KANSL3: variants seen among roughly 807,000 people sequenced by gnomAD.
KANSL3 encodes the protein NSL complex protein NSL3.
In KANSL3, 16 loss-of-function variants were observed where a neutral mutation model predicts 89.2. The ratio of observed to expected loss-of-function variants is 0.18; its 90% CI spans 0.12 to 0.27. KANSL3 has a LOEUF of 0.27. KANSL3 is among the 10% of genes least tolerant of loss of function. The pLI is 1.00. For synonymous variants in KANSL3, 385 were observed against 419.7 expected, an observed-to-expected ratio of 0.92 and a Z score of 1.01; for missense variants, 879 against 1,110.6, an observed-to-expected ratio of 0.79 and a Z score of 2.96.
At chr2:96,633,565 T>A (rs1429682569) in intron 2 of KANSL3, among the ~76,000 whole-genome samples, 3 of 142,706 alleles carry the variant, frequency 2.1e-5, no homozygotes, top group Non-Finnish European at 4.5e-5. Context: ...CGAGACTCTG[T>A]CTCAAAAAAA....
Position 96,595,268 on chromosome 2 carries a change from C to T in KANSL3, c.*343G>A, listed in dbSNP as rs1224201320. Reference sequence around the variant, plus strand: ...AGCACAGACTTCCAAAAGGAAACACCTTCATTAAATGCAGCAGGCAGTCCT... The same window carrying T: ...AGCACAGACTTCCAAAAGGAAACACTTTCATTAAATGCAGCAGGCAGTCCT... On this transcript the variant is annotated 3_prime_UTR_variant, in exon 21 of 21. Transcript: ENST00000431828. The T allele has an allele frequency of 4.5e-6, 1 of 222,872 alleles. No homozygotes were observed. The highest frequency in any genetic ancestry group is 8.9e-6 in the Non-Finnish European group (1 of 112,378). The allele number at this position is 222,872 out of a possible 1,614,324, so 13.8% of individuals were successfully genotyped here.
chr2:96,614,329 A>G (rs1390998557), intron 5 of KANSL3, among the ~76,000 whole-genome samples: 2 of 152,102 alleles, frequency 1.3e-5, no homozygotes, highest in Non-Finnish European at 2.9e-5. Context: ...CCTGACCTCA[A>G]ATGATCCACC....
chr2:96,608,654 C>A lies in KANSL3; in HGVS notation c.1595G>T (p.Ser532Ile). The A allele has an allele frequency of 6.2e-7, 1 of 1,614,052 alleles. No individual in the cohort carries two copies. The highest frequency in any genetic ancestry group is 1.3e-5 in the African/African-American group (1 of 75,058). Residue 532 changes from serine (S) to isoleucine (I), a missense_variant, in exon 14 of 21, where the codon AGT (serine) becomes ATT (isoleucine). Ser to Ile is a moderately radical substitution (Grantham distance 142). Around this residue, in one of 6 missense-constraint regions of KANSL3, gnomAD observed 317 missense variants for 311.2 expected, o/e 1.02. Coordinates refer to ENST00000431828, the MANE Select transcript of KANSL3 (RefSeq NM_001115016.3). ...ACTGGAGGTGGGGCTGCTGGACACA[C>A]TGGAGAGATCCTGAGTAAGGTGAGA... Reference protein sequence around the residue: ...ASPSGSEDLSSVSSSPTSSPK... With the variant: ...ASPSGSEDLSIVSSSPTSSPK...
rs1195854167 is a variant in KANSL3, at chr2:96,636,963, C to T, written c.173G>A (p.Arg58His). 1 of 1,548,192 alleles carries T rather than the reference C, an allele frequency of 6.5e-7. No individual in the cohort carries two copies. The highest frequency in any genetic ancestry group is 8.7e-7 in the Non-Finnish European group (1 of 1,145,182). Residue 58 changes from arginine (R) to histidine (H), a missense_variant, in exon 2 of 21, where the codon CGC (arginine) becomes CAC (histidine). Physicochemically the swap from Arg to His is conservative, Grantham distance 29 (BLOSUM62 0). This residue lies in a region of KANSL3 where 210 missense variants were observed against 311.9 expected (regional missense o/e 0.67). Coordinates refer to ENST00000431828, the MANE Select transcript of KANSL3 (RefSeq NM_001115016.3). ...CCGCCGGGGAGTGACAAAGAGCATGCGGGTGGGGCGGGCACTACTGGCATC... is the reference window on the plus strand; with the variant it reads ...CCGCCGGGGAGTGACAAAGAGCATGTGGGTGGGGCGGGCACTACTGGCATC... ...HPDASSARPT[R>H]MLFVTPRRQH...
intron 4 of KANSL3, 35 bp downstream of exon 4, chr2:96,619,637 A>T: frequency 1.3e-6 from 2 of 1,593,578 alleles, no homozygotes; most frequent in Non-Finnish European, 8.5e-7. Flanking sequence ...CTGAACTACG[A>T]AGAGCCCACT....
chr2:96,589,953 A>G (rs1352923598), downstream of KANSL3, among the ~76,000 whole-genome samples: 1 of 151,730 alleles, frequency 6.6e-6, no homozygotes, highest in Non-Finnish European at 1.5e-5. Context: ...GTTCAAGACC[A>G]GCCTGGCCGA....
intron 1 of KANSL3, among the ~76,000 whole-genome samples, chr2:96,637,605 G>A (rs1474403237): frequency 1.3e-5 from 2 of 152,198 alleles, no homozygotes; most frequent in Non-Finnish European, 2.9e-5. Context: ...ACGACAATGC[G>A]AAGGGAGCCG....
chr2:96,620,333 A>G (rs577646226), intron 3 of KANSL3, among the ~76,000 whole-genome samples: 103 of 152,170 alleles, frequency 6.8e-4, no homozygotes, highest in African/African-American at 2.2e-3. Context: ...TTTTCCATAT[A>G]TATTTTTTGT....
At chr2:96,604,056 C>CAAG in intron 17 of KANSL3, 194 bp downstream of exon 17, 2 of 513,968 alleles carry the variant, frequency 3.9e-6, no homozygotes, top group Admixed American at 7.3e-5. Flanking sequence ...GACATTTACT[C>CAAG]ACTGCATTTA....
chr2:96,598,265 A>T, intron 20 of KANSL3: 3 of 267,030 alleles, frequency 1.1e-5, no homozygotes, highest in Non-Finnish European at 1.7e-5. Flanking sequence ...GGGGAAAAGC[A>T]CTTCCCATCT....
At chr2:96,591,422 G>A (rs920536128), downstream of KANSL3, among the ~76,000 whole-genome samples, 4 of 152,186 alleles carry the variant, frequency 2.6e-5, no homozygotes, top group Non-Finnish European at 5.9e-5. Context: ...TATGGTTACA[G>A]CGATAAAATG....
At chr2:96,635,623 A>C (rs1046514003) in intron 2 of KANSL3, among the ~76,000 whole-genome samples, 20 of 152,236 alleles carry the variant, frequency 1.3e-4, no homozygotes, top group Non-Finnish European at 2.9e-5. Flanking sequence ...TATCTCCTGT[A>C]CACCAAAAAA....
At chr2:96,588,778 G>C (rs912614074), downstream of KANSL3, among the ~76,000 whole-genome samples, 5 of 151,974 alleles carry the variant, frequency 3.3e-5, no homozygotes, top group Non-Finnish European at 5.9e-5. Context: ...TTTTTGAGTA[G>C]AGACAGGGTT....
At chr2:96,598,188 G>A in intron 20 of KANSL3, 1 of 954,808 alleles carries the variant, frequency 1.0e-6, no homozygotes, top group Non-Finnish European at 1.2e-6. Flanking sequence ...TGGCTTTGTA[G>A]GTCACTTCTA....
chr2:96,601,463 C>T (rs1573296132), intron 20 of KANSL3, 180 bp downstream of exon 20: 1 of 1,374,362 alleles, frequency 7.3e-7, no homozygotes, highest in East Asian at 2.8e-5. Context: ...GAAGAGGAAG[C>T]TCAAAGATGT....
In KANSL3 at chr2:96,605,389, C is replaced by T; in HGVS notation, c.1864G>A (p.Val622Met). ...SKTSKRPKIK[V>M]SLISQGDTAG... is the part of the protein sequence containing the mutation. ...GTGTCCCCTTGGGAGATAAGGGACACCTTGATCTTCGGTCGTTTGGAGGTC... is the reference window on the plus strand; with the variant it reads ...GTGTCCCCTTGGGAGATAAGGGACATCTTGATCTTCGGTCGTTTGGAGGTC... Residue 622 changes from valine (V) to methionine (M), a missense_variant, in exon 15 of 21, where the codon GTG (valine) becomes ATG (methionine). Val to Met is a conservative substitution (Grantham distance 21, BLOSUM62 1). This residue lies in a region of KANSL3 where 317 missense variants were observed against 311.2 expected (regional missense o/e 1.02). Transcript: ENST00000431828. The T allele has an allele frequency of 6.2e-7, 1 of 1,613,946 alleles. No individual in the cohort carries two copies. Among genetic ancestry groups the T allele is most frequent in the Non-Finnish European group, 8.5e-7 (1 of 1,179,878 alleles).
At chr2:96,633,992 G>C (rs1027273112) in intron 2 of KANSL3, among the ~76,000 whole-genome samples, 1 of 152,228 alleles carries the variant, frequency 6.6e-6, no homozygotes, top group African/African-American at 2.4e-5. Context: ...TATTATTACA[G>C]AGAGTTCTGT....
At chr2:96,611,870 A>T (rs1311222270) in intron 9 of KANSL3, among the ~76,000 whole-genome samples, 6 of 132,508 alleles carry the variant, frequency 4.5e-5, no homozygotes, top group African/African-American at 1.5e-4. Flanking sequence ...AAAAAAAGGG[A>T]TCTTTTTTTT....
intron 2 of KANSL3, among the ~76,000 whole-genome samples, chr2:96,633,507 T>G (rs1444675747): frequency 1.3e-5 from 2 of 148,964 alleles, no homozygotes; most frequent in Non-Finnish European, 3.0e-5. Flanking sequence ...AGACGGAGGT[T>G]GCAGTGAGCC....
Sources: allele counts gnomAD v4.1 joint callset (sites outside exome capture counted in the v4.1 genomes callset), GRCh38; gene constraint gnomAD v4.1.1; regional missense constraint gnomAD v4.1.1; transcripts MANE v1.5; gene names NCBI Gene and HGNC (gene_info 2026-07-23, HGNC 2026-07-21).